The following USP6NL variants were observed in gnomAD, a reference collection of about 807,000 sequenced individuals.
USP6NL encodes USP6 N-terminal-like protein.
In USP6NL, 26 loss-of-function variants were observed where a neutral mutation model predicts 61.9. That is an observed-to-expected ratio of 0.42 (90% CI 0.31 to 0.58). USP6NL has a LOEUF of 0.58. Ranked by LOEUF, USP6NL falls within the 20% of genes least tolerant of loss-of-function variation. The pLI is 0.16. For missense variants in USP6NL, 1,114 were observed against 1,034.3 expected (o/e 1.08, Z -1.06); for synonymous variants, 432 against 390.1 (o/e 1.11, Z -1.27).
chr10:11,526,648 G>A lies in USP6NL; in HGVS notation c.72+852C>T, dbSNP rs372549820. On this transcript the variant is annotated intron_variant, in intron 3 of 14. Coordinates refer to ENST00000609104, the MANE Select transcript of USP6NL (RefSeq NM_014688.5). Reference sequence around the variant, plus strand: ...CTCATGGAAGCAGGACACAGTGCAGGTGACTTTCTATGATTTAATCTCCTG... The same window carrying A: ...CTCATGGAAGCAGGACACAGTGCAGATGACTTTCTATGATTTAATCTCCTG... 8.5e-5 allele frequency among the ~76,000 whole-genome samples: 13 copies of A among 152,300 alleles called. No homozygotes were observed. In the South Asian group the frequency reaches 2.3e-3, roughly 27 times the overall value.
intron 2 of USP6NL, among the ~76,000 whole-genome samples, chr10:11,531,383 T>G (rs1452718984): frequency 6.6e-6 from 1 of 152,040 alleles, no homozygotes; most frequent in East Asian, 1.9e-4. Context: ...AGTGCAGTGG[T>G]ATGATCTCAG....
chr10:11,500,086 A>G (rs1195004649), intron 7 of USP6NL, among the ~76,000 whole-genome samples: 1 of 152,176 alleles, frequency 6.6e-6, no homozygotes. Flanking sequence ...CAAATAATGC[A>G]TGTTCTCACT....
chr10:11,568,178 C>A (rs377215567), intron 2 of USP6NL, among the ~76,000 whole-genome samples: 1 of 137,974 alleles, frequency 7.2e-6, no homozygotes, highest in Non-Finnish European at 1.6e-5. Context: ...TGTGTGTGCG[C>A]GCGCGCGTGC....
intron 2 of USP6NL, among the ~76,000 whole-genome samples, chr10:11,583,381 C>T (rs964512939): frequency 6.6e-6 from 1 of 151,686 alleles, no homozygotes; most frequent in Admixed American, 6.6e-5. Context: ...TTAGTAGGGA[C>T]GGGGTTTCAC....
chr10:11,568,017 C>G (rs1165380639), intron 2 of USP6NL, among the ~76,000 whole-genome samples: 3 of 152,110 alleles, frequency 2.0e-5, no homozygotes, highest in Admixed American at 6.5e-5. Context: ...TTTCATTAAA[C>G]CACTCACGTA....
intron 1 of USP6NL, among the ~76,000 whole-genome samples, chr10:11,601,232 TTATA>T (rs1407431911): frequency 2.0e-5 from 3 of 152,164 alleles, no homozygotes; most frequent in East Asian, 1.9e-4. Context: ...TATATACTTA[TTATA>T]TATACTGTAC....
intron 6 of USP6NL, 56 bp downstream of exon 6, chr10:11,509,539 G>T: frequency 7.1e-7 from 1 of 1,406,148 alleles, no homozygotes; most frequent in Non-Finnish European, 9.6e-7. Context: ...CTTCTACTAT[G>T]AAAATCCACA....
chr10:11,485,394 C>T lies in USP6NL; in HGVS notation c.760-160G>A, dbSNP rs2133240043. 6.6e-6 allele frequency among the ~76,000 whole-genome samples: 1 copy of T among 152,282 alleles called. No individual in the cohort carries two copies. On this transcript the variant is annotated intron_variant, in intron 11 of 14. Coordinates refer to ENST00000609104, the MANE Select transcript of USP6NL (RefSeq NM_014688.5). The surrounding 1 kb of genome is among the most constrained non-coding windows in gnomAD (Gnocchi z 4.8). ...AATTCCTCTTAGGACTGTAATACAA[C>T]AATTAGATTCTCTTTAATATATTTT...
At chr10:11,466,845 G>A (rs571071018) in intron 14 of USP6NL, among the ~76,000 whole-genome samples, 3 of 152,306 alleles carry the variant, frequency 2.0e-5, no homozygotes, top group South Asian at 4.1e-4. Flanking sequence ...GAACACAGTG[G>A]TAGGTATTTG....
At chr10:11,493,456 C>G (rs1436436681) in intron 7 of USP6NL, among the ~76,000 whole-genome samples, 1 of 152,192 alleles carries the variant, frequency 6.6e-6, no homozygotes, top group African/African-American at 2.4e-5. Context: ...TACCTTCCTT[C>G]TCTTCCATCC....
At chr10:11,501,863 T>C (rs1834211490) in intron 6 of USP6NL, among the ~76,000 whole-genome samples, 1 of 152,254 alleles carries the variant, frequency 6.6e-6, no homozygotes, top group South Asian at 2.1e-4. Flanking sequence ...GAAAACTTTT[T>C]TCTTTTTCTT....
At position 11,496,075 on chromosome 10, in the gene USP6NL, G is replaced by C. The variant is rs1833913358; in HGVS notation, c.385-2847C>G. On this transcript the variant is annotated intron_variant, in intron 7 of 14. Coordinates refer to ENST00000609104, the MANE Select transcript of USP6NL (RefSeq NM_014688.5). This position sits in a 1 kb window ranked among gnomAD's most constrained non-coding sequence, Gnocchi z 5.4. ...TCTGGGAGGTGAGTTGAGGAAAAAGGCTGGACTGTCCAAAATTTAAACTAC... is the reference window on the plus strand; with the variant it reads ...TCTGGGAGGTGAGTTGAGGAAAAAGCCTGGACTGTCCAAAATTTAAACTAC... Among the ~76,000 whole-genome samples, 1 of 152,198 alleles carries C rather than the reference G, an allele frequency of 6.6e-6. No individual in the cohort carries two copies. Among genetic ancestry groups the C allele is most frequent in the Non-Finnish European group, 1.5e-5 (1 of 68,038 alleles).
At chr10:11,557,873 T>C (rs568757670) in intron 2 of USP6NL, among the ~76,000 whole-genome samples, 46 of 152,206 alleles carry the variant, frequency 3.0e-4, no homozygotes, top group Non-Finnish European at 5.6e-4. Flanking sequence ...CATGAAGCCA[T>C]TGGCTTCAAG....
rs1006245788 is a variant in USP6NL, at chr10:11,476,240, G to A, written c.1078+5530C>T. 2.0e-5 allele frequency among the ~76,000 whole-genome samples: 3 copies of A among 152,222 alleles called. No homozygotes were observed. Among genetic ancestry groups the A allele is most frequent in the African/African-American group, 7.2e-5 (3 of 41,464 alleles). ...CATGGAGCTGGCCTGAGATGATGCTGAGGAGTCACACTGTAGTCACACTGT... is the reference window on the plus strand; with the variant it reads ...CATGGAGCTGGCCTGAGATGATGCTAAGGAGTCACACTGTAGTCACACTGT... On this transcript the variant is annotated intron_variant, in intron 14 of 14. Coordinates refer to ENST00000609104, the MANE Select transcript of USP6NL (RefSeq NM_014688.5). This position sits in a 1 kb window ranked among gnomAD's most constrained non-coding sequence, Gnocchi z 4.3.
rs966411721 is a variant in USP6NL, at chr10:11,574,413, G to T, written c.4+23218C>A. On this transcript the variant is annotated intron_variant, in intron 2 of 14. Coordinates refer to ENST00000609104, the MANE Select transcript of USP6NL (RefSeq NM_014688.5). This position sits in a 1 kb window ranked among gnomAD's most constrained non-coding sequence, Gnocchi z 4.3. Reference sequence around the variant, plus strand: ...AAATTCAATGGTCTCAACATCCAGCGGCATGGACCAGATAATTTCAAAACA... The same window carrying T: ...AAATTCAATGGTCTCAACATCCAGCTGCATGGACCAGATAATTTCAAAACA... Among the ~76,000 whole-genome samples, 1 of 151,994 alleles carries T rather than the reference G, an allele frequency of 6.6e-6. No individual in the cohort carries two copies. Among genetic ancestry groups the T allele is most frequent in the Non-Finnish European group, 1.5e-5 (1 of 68,014 alleles).
intron 2 of USP6NL, among the ~76,000 whole-genome samples, chr10:11,578,610 TA>T (rs79243406): frequency 3.3e-5 from 5 of 151,834 alleles, no homozygotes; most frequent in Non-Finnish European, 5.9e-5. Flanking sequence ...ACTCTATCTC[TA>T]AAAAAAATAA....
At chr10:11,497,672 C>T (rs1833996005) in intron 7 of USP6NL, among the ~76,000 whole-genome samples, 1 of 151,994 alleles carries the variant, frequency 6.6e-6, no homozygotes, top group South Asian at 2.1e-4. Context: ...GGAAGAAAAG[C>T]CCGGGTAAGT....
intron 14 of USP6NL, among the ~76,000 whole-genome samples, chr10:11,479,896 C>A (rs898484382): frequency 5.9e-5 from 9 of 152,072 alleles, no homozygotes; most frequent in Non-Finnish European, 1.2e-4. Context: ...TTTAAAAGGA[C>A]AGATGTGACA....
At chr10:11,565,591 G>A (rs370591332) in intron 2 of USP6NL, 1 of 151,572 alleles carries the variant, frequency 6.6e-6, no homozygotes, top group Non-Finnish European at 1.5e-5. Context: ...GCAGTGAGCC[G>A]AGATTGCGCC....
Sources: gnomAD v4.1 joint callset for allele counts (sites outside exome capture counted in the v4.1 genomes callset) on GRCh38, gnomAD v4.1.1 for gene constraint, Gnocchi (gnomAD v3.1) non-coding constraint, MANE v1.5 for transcripts, NCBI Gene and HGNC (gene_info 2026-07-23, HGNC 2026-07-21) for gene names.